CSGALNACT1: variants seen among roughly 807,000 people sequenced by gnomAD.
The protein encoded by CSGALNACT1 is chondroitin sulfate N-acetylgalactosaminyltransferase 1.
In CSGALNACT1, 52 loss-of-function variants were observed where a neutral mutation model predicts 51.0. The observed-to-expected ratio is 1.02, with a 90% CI of 0.82 to 1.29. The LOEUF (loss-of-function observed/expected upper bound fraction) is 1.29. Ranked by LOEUF, CSGALNACT1 falls within the 50% of genes most tolerant of loss-of-function variation. The pLI is 0.00. For missense variants in CSGALNACT1, 935 were observed against 679.2 expected, an observed-to-expected ratio of 1.38 and a Z score of -4.19; for synonymous variants, 341 against 254.4, an observed-to-expected ratio of 1.34 and a Z score of -3.24.
intron 7 of CSGALNACT1, among the ~76,000 whole-genome samples, chr8:19,420,079 C>A (rs1166352643): frequency 6.6e-6 from 1 of 152,226 alleles, no homozygotes; most frequent in Non-Finnish European, 1.5e-5. Context: ...TCACCTTCTT[C>A]CATGATTGTG....
intron 9 of CSGALNACT1, 149 bp from the exon 9 acceptor site, chr8:19,406,218 G>C: frequency 2.2e-6 from 2 of 920,788 alleles, no homozygotes; most frequent in South Asian, 2.7e-5. Flanking sequence ...GTGTCCACCT[G>C]GGTCAGAAGC....
At chr8:19,571,003 G>A (rs781175710) in intron 3 of CSGALNACT1, among the ~76,000 whole-genome samples, 1 of 152,140 alleles carries the variant, frequency 6.6e-6, no homozygotes, top group Admixed American at 6.5e-5. Context: ...TTTTGAGACA[G>A]GTTCTTGCTT....
At chr8:19,491,371 C>A (rs1336033214) in intron 4 of CSGALNACT1, among the ~76,000 whole-genome samples, 1 of 152,104 alleles carries the variant, frequency 6.6e-6, no homozygotes, top group Non-Finnish European at 1.5e-5. Flanking sequence ...TTCTGAGAAT[C>A]AGCTTTCAGA....
At position 19,724,250 on chromosome 8, in the gene CSGALNACT1, AAATGC is replaced by A. The variant is rs1167812133; in HGVS notation, c.-297+33595_-297+33599del. 2.6e-5 allele frequency among the ~76,000 whole-genome samples: 4 copies of A among 152,332 alleles called. No individual in the cohort carries two copies. The East Asian group carries it at 7.7e-4, about 29-fold the overall frequency. On this transcript the variant is annotated intron_variant, in intron 1 of 1. Transcript: ENST00000517494. ...TAAAATGCTGGAGGTCAGAAGTCCA[AAATGC>A]ATCTCACTGGGCTAAAATCTAGGGC...
At chr8:19,575,459 A>T (rs146242581) in intron 3 of CSGALNACT1, among the ~76,000 whole-genome samples, 2 of 152,340 alleles carry the variant, frequency 1.3e-5, no homozygotes, top group African/African-American at 4.8e-5. Context: ...AATACCAGAG[A>T]TAGAGAAACA....
chr8:19,751,812 C>T (rs1323791917), intron 1 of CSGALNACT1, among the ~76,000 whole-genome samples: 1 of 151,958 alleles, frequency 6.6e-6, no homozygotes, highest in East Asian at 1.9e-4. Flanking sequence ...ATGTGCTTGC[C>T]TCTCCTTCAC....
chr8:19,605,409 C>T (rs544973945), upstream of CSGALNACT1, among the ~76,000 whole-genome samples: 10 of 152,264 alleles, frequency 6.6e-5, no homozygotes, highest in African/African-American at 1.9e-4. Flanking sequence ...GCACTCCAGC[C>T]TGGGGGAGAG....
At position 19,661,079 on chromosome 8, in the gene CSGALNACT1, A is replaced by AT. The variant is rs67272509; in HGVS notation, c.-544+21393dup. On this transcript the variant is annotated intron_variant, in intron 1 of 9. Coordinates refer to the CSGALNACT1 transcript ENST00000332246. ...AGGTGCATGCCACCACACCTGGCTA[A>AT]TTTTTTTTTTTTTTTTAGTAGAGAC... Among the ~76,000 whole-genome samples the AT allele has an allele frequency of 4.4e-3, 638 of 143,610 alleles. 4 individuals carry two copies. The highest frequency in any genetic ancestry group is 7.1e-3 in the African/African-American group (280 of 39,252). The allele number at this position is 143,610 out of a possible 152,430, so 94.2% of individuals were successfully genotyped here.
intron 3 of CSGALNACT1, among the ~76,000 whole-genome samples, chr8:19,589,306 C>T (rs1439823034): frequency 6.6e-6 from 1 of 152,130 alleles, no homozygotes; most frequent in East Asian, 1.9e-4. Flanking sequence ...AACATGTCCC[C>T]CAGTTCCTTT....
chr8:19,651,797 G>C (rs1043931602), intron 1 of CSGALNACT1, among the ~76,000 whole-genome samples: 1 of 152,154 alleles, frequency 6.6e-6, no homozygotes, highest in Non-Finnish European at 1.5e-5. Context: ...AGATTACTGG[G>C]TTAAATAGTG....
chr8:19,469,590 C>T (rs904919321), intron 4 of CSGALNACT1, among the ~76,000 whole-genome samples: 15 of 152,010 alleles, frequency 9.9e-5, no homozygotes, highest in African/African-American at 3.6e-4. Flanking sequence ...AAGTTTATTC[C>T]CACTTCAGAA....
chr8:19,596,380 A>G (rs1487861648), intron 2 of CSGALNACT1, among the ~76,000 whole-genome samples: 1 of 152,170 alleles, frequency 6.6e-6, no homozygotes, highest in African/African-American at 2.4e-5. Context: ...TTGGCTTCTT[A>G]TGAACAATCA....
rs35593808 is a variant in CSGALNACT1 at position 19,411,833 on chromosome 8, C to CTTT, written c.1228-3142_1228-3140dup. On this transcript the variant is annotated intron_variant, in intron 8 of 9. Coordinates refer to ENST00000454498, the Ensembl canonical transcript of CSGALNACT1. ...TGATCTGTTTCCAAGCACTATCCTCCTTTTTTTTTTTTTTTTTGACGGAGT... is the reference window on the plus strand; with the variant it reads ...TGATCTGTTTCCAAGCACTATCCTCCTTTTTTTTTTTTTTTTTTTTGACGGAGT... 2.4e-3 allele frequency among the ~76,000 whole-genome samples: 328 copies of CTTT among 135,624 alleles called. 1 individual carries two copies. Among genetic ancestry groups the CTTT allele is most frequent in the African/African-American group, 8.8e-3 (315 of 35,854 alleles). 89.0% of individuals were successfully genotyped at this position (135,624 alleles called of 152,430 possible). A position where few individuals can be genotyped will look rare whatever the true frequency, so the allele number is the denominator to read the frequency against.
rs140433683 is a variant in CSGALNACT1 at position 19,505,753 on chromosome 8, C to G, written c.82G>C (p.Val28Leu). The G allele has an allele frequency of 1.5e-5, 25 of 1,614,024 alleles. No homozygotes were observed. In the African/African-American group the frequency reaches 2.9e-4, roughly 19 times the overall value. ...GGGGTGCAGGCCAACATGTACAGGA[C>G]AGAGATAGCACAGCAGAGGAGCACC... Residue 28 changes from valine (V) to leucine (L), a missense_variant, in exon 4 of 10, where the codon GTC becomes CTC. Transcript: ENST00000454498.
intron 2 of CSGALNACT1, among the ~76,000 whole-genome samples, chr8:19,592,557 G>A (rs1055825578): frequency 6.6e-6 from 1 of 152,180 alleles, no homozygotes; most frequent in Non-Finnish European, 1.5e-5. Context: ...TTTGAGACCA[G>A]CGTGGGCACC....
chr8:19,499,138 G>C (rs1231896441), intron 4 of CSGALNACT1, among the ~76,000 whole-genome samples: 1 of 152,018 alleles, frequency 6.6e-6, no homozygotes, highest in Non-Finnish European at 1.5e-5. Flanking sequence ...CAAACAAACA[G>C]AACAAAATTA....
At chr8:19,481,601 A>G (rs1457633636) in intron 4 of CSGALNACT1, among the ~76,000 whole-genome samples, 1 of 152,176 alleles carries the variant, frequency 6.6e-6, no homozygotes, top group Non-Finnish European at 1.5e-5. Flanking sequence ...CTGTGAAAAC[A>G]AAGTCCCAAA....
intron 4 of CSGALNACT1, among the ~76,000 whole-genome samples, chr8:19,463,503 G>T (rs992950938): frequency 1.8e-4 from 27 of 152,280 alleles, no homozygotes; most frequent in Admixed American, 1.6e-3. Context: ...GCAAACTTGG[G>T]CATGGGGGGA....
chr8:19,414,077 C>T (rs1405540956), intron 8 of CSGALNACT1, among the ~76,000 whole-genome samples: 2 of 152,188 alleles, frequency 1.3e-5, no homozygotes, highest in African/African-American at 4.8e-5. Flanking sequence ...TCAGTGACGT[C>T]ATGCTGGTAG....
Sources: gnomAD v4.1 joint callset for allele counts (sites outside exome capture counted in the v4.1 genomes callset) on GRCh38, gnomAD v4.1.1 for gene constraint, MANE v1.5 for transcripts, NCBI Gene and HGNC (gene_info 2026-07-23, HGNC 2026-07-21) for gene names.